Variants in MLIP observed in about 807,000 individuals in gnomAD.
The protein encoded by MLIP is muscular LMNA interacting protein, also known as muscular LMNA-interacting protein.
A neutral mutation model predicts 84.8 loss-of-function variants in MLIP; 79 were observed. The observed-to-expected ratio is 0.93, with a 90% CI of 0.78 to 1.12. The LOEUF is 1.12. Among genes scored for constraint, MLIP ranks in the 50% most tolerant of loss-of-function variants. MLIP has a pLI of 0.00. For synonymous variants in MLIP, 504 were observed against 463.0 expected, an observed-to-expected ratio of 1.09 and a Z score of -1.14; for missense variants, 1,257 against 1,160.6, an observed-to-expected ratio of 1.08 and a Z score of -1.21.
At chr6:54,108,673 G>T (rs1197501364), upstream of MLIP, among the ~76,000 whole-genome samples, 1 of 152,186 alleles carries the variant, frequency 6.6e-6, no homozygotes, top group African/African-American at 2.4e-5. Flanking sequence ...AAGACACAGA[G>T]AAAAATGTCA....
chr6:54,090,032 CTTAGTGAAA>C, intron 1 of MLIP, among the ~76,000 whole-genome samples: 1 of 152,104 alleles, frequency 6.6e-6, no homozygotes, highest in Non-Finnish European at 1.5e-5. Flanking sequence ...AAGTGTCATT[CTTAGTGAAA>C]CTAAAATGAG....
chr6:54,152,765 C>G (rs1184528135), intron 5 of MLIP, among the ~76,000 whole-genome samples: 1 of 152,090 alleles, frequency 6.6e-6, no homozygotes, highest in African/African-American at 2.4e-5. Context: ...TTCTTATCAT[C>G]TGAGTCTGAT....
intron 9 of MLIP, among the ~76,000 whole-genome samples, chr6:54,171,854 T>C (rs891625626): frequency 2.0e-5 from 3 of 151,536 alleles, no homozygotes; most frequent in African/African-American, 7.3e-5. Context: ...CCATGAAAAC[T>C]AAAAAGCAAC....
At chr6:54,161,195 TTAAAAA>T (rs1208187227) in intron 8 of MLIP, among the ~76,000 whole-genome samples, 1 of 151,920 alleles carries the variant, frequency 6.6e-6, no homozygotes, top group Non-Finnish European at 1.5e-5. Flanking sequence ...TTATAGCCAC[TTAAAAA>T]TAGAGAAGTA....
intron 1 of MLIP, chr6:54,043,289 CATG>C (rs1338120516): frequency 6.6e-6 from 1 of 151,586 alleles, no homozygotes; most frequent in African/African-American, 2.4e-5. Flanking sequence ...TGCTTTATTC[CATG>C]ATATGTTTCT....
intron 9 of MLIP, among the ~76,000 whole-genome samples, chr6:54,187,652 C>T (rs1285622616): frequency 6.6e-6 from 1 of 151,918 alleles, no homozygotes; most frequent in African/African-American, 2.4e-5. Context: ...TATAAAGTGA[C>T]AAAAATATAA....
chr6:54,082,250 C>T (rs1767207251), intron 1 of MLIP, among the ~76,000 whole-genome samples: 1 of 152,034 alleles, frequency 6.6e-6, no homozygotes. Context: ...TGTTGATGGG[C>T]ATTTAGATAA....
At chr6:54,187,143 C>T (rs1047209120) in intron 9 of MLIP, among the ~76,000 whole-genome samples, 2 of 152,162 alleles carry the variant, frequency 1.3e-5, no homozygotes, top group Non-Finnish European at 2.9e-5. Flanking sequence ...TGGGGATCTG[C>T]CATCTAGAGA....
chr6:54,050,586 T>C (rs186671421), intron 1 of MLIP, among the ~76,000 whole-genome samples: 1 of 152,126 alleles, frequency 6.6e-6, no homozygotes, highest in Middle Eastern at 3.2e-3. Flanking sequence ...ATAATTTGAG[T>C]TTTTTTGTTT....
intron 9 of MLIP, among the ~76,000 whole-genome samples, chr6:54,179,612 T>A (rs1389222279): frequency 6.6e-6 from 1 of 152,166 alleles, no homozygotes; most frequent in African/African-American, 2.4e-5. Flanking sequence ...TTGTAAATAC[T>A]ATCTTATTCA....
At chr6:54,192,080 C>T (rs1278417003) in intron 10 of MLIP, among the ~76,000 whole-genome samples, 1 of 151,414 alleles carries the variant, frequency 6.6e-6, no homozygotes, top group Admixed American at 6.6e-5. Flanking sequence ...TTACTTTTTG[C>T]CCAATAAAAT....
intron 1 of MLIP, among the ~76,000 whole-genome samples, chr6:54,059,939 T>C (rs1215932546): frequency 1.3e-5 from 2 of 152,272 alleles, no homozygotes; most frequent in African/African-American, 4.8e-5. Context: ...CTTGATTGAC[T>C]GAAAATGAGA....
intron 1 of MLIP, among the ~76,000 whole-genome samples, chr6:54,075,892 C>A (rs1766774841): frequency 6.6e-6 from 1 of 152,184 alleles, no homozygotes; most frequent in Non-Finnish European, 1.5e-5. Flanking sequence ...TCTAAGACTT[C>A]CAGTTGTGAC....
At position 54,137,591 on chromosome 6, in the gene MLIP, C is replaced by A; in HGVS notation, c.1522C>A (p.Leu508Ile). The A allele has an allele frequency of 6.5e-7, 1 of 1,536,138 alleles. No individual in the cohort carries two copies. Residue 508 changes from leucine to isoleucine, a missense_variant, in exon 4 of 14, where the codon CTC (leucine) becomes ATC (isoleucine). Leu to Ile is a conservative substitution (Grantham distance 5, BLOSUM62 2). Coordinates refer to ENST00000502396, the MANE Select transcript of MLIP (RefSeq NM_001281747.2). ...TACTCCGCTTTCTCAGGCGCCCTCC[C>A]TCTCTCCTACAAAACAGGCTAGTAG... ...KSTPLSQAPS[L>I]SPTKQASSSL...
At chr6:54,121,372 T>C (rs1023022250) in intron 1 of MLIP, 75 bp from the exon 2 acceptor site, 67 of 1,457,016 alleles carry the variant, frequency 4.6e-5, no homozygotes, top group Non-Finnish European at 6.3e-5. Flanking sequence ...GAGATAAATA[T>C]CATGTCATAT....
intron 12 of MLIP, among the ~76,000 whole-genome samples, chr6:54,239,944 T>C (rs1781624740): frequency 6.6e-6 from 1 of 152,210 alleles, no homozygotes; most frequent in Admixed American, 6.5e-5. Flanking sequence ...AAGTATCCTG[T>C]TTAATCAGTA....
chr6:54,178,276 ATC>A (rs1212765521), intron 9 of MLIP, among the ~76,000 whole-genome samples: 1 of 141,622 alleles, frequency 7.1e-6, no homozygotes, highest in Admixed American at 7.4e-5. Context: ...TTTCATTTTC[ATC>A]TCTGATTTTA....
At chr6:54,157,762 T>A (rs1774185559) in intron 5 of MLIP, among the ~76,000 whole-genome samples, 1 of 152,100 alleles carries the variant, frequency 6.6e-6, no homozygotes, top group South Asian at 2.1e-4. Context: ...TGAACACCAG[T>A]GAAGAGTTAT....
chr6:54,201,558 TG>T (rs1419947447), intron 10 of MLIP, among the ~76,000 whole-genome samples: 1 of 152,224 alleles, frequency 6.6e-6, no homozygotes, highest in African/African-American at 2.4e-5. Flanking sequence ...TTTAAATCCC[TG>T]TTCCACGTTA....
Sources: allele counts gnomAD v4.1 joint callset (sites outside exome capture counted in the v4.1 genomes callset), GRCh38; gene constraint gnomAD v4.1.1; transcripts MANE v1.5; gene names NCBI Gene and HGNC (gene_info 2026-07-23, HGNC 2026-07-21).